WWOX: variants seen among roughly 807,000 people sequenced by gnomAD.
The protein encoded by WWOX is WW domain-containing oxidoreductase.
A neutral mutation model predicts 46.2 loss-of-function variants in WWOX; 69 were observed. That is an observed-to-expected ratio of 1.49 (90% CI 1.23 to 1.82). The LOEUF (loss-of-function observed/expected upper bound fraction) is 1.82, where lower values mean the gene tolerates loss of function less well. Ranked by LOEUF, WWOX falls within the 40% of genes most tolerant of loss-of-function variation. The pLI, the probability that WWOX is intolerant of heterozygous loss-of-function variation, is 0.00. For synonymous variants in WWOX, 359 were observed against 202.6 expected, an observed-to-expected ratio of 1.77 and a Z score of -6.56; for missense variants, 919 against 542.6, an observed-to-expected ratio of 1.69 and a Z score of -6.89.
intron 8 of WWOX, among the ~76,000 whole-genome samples, chr16:78,459,771 G>A (rs2083907421): frequency 6.6e-6 from 1 of 152,122 alleles, no homozygotes; most frequent in Non-Finnish European, 1.5e-5. Flanking sequence ...ACTTGATGCT[G>A]CAACTGAAAA....
intron 4 of WWOX, among the ~76,000 whole-genome samples, chr16:78,149,738 G>A (rs2034332397): frequency 6.6e-6 from 1 of 152,152 alleles, no homozygotes; most frequent in Admixed American, 6.5e-5. Context: ...GAGAATAGAT[G>A]GCAAATCCCA....
chr16:79,192,319 T>C (rs74646664), intron 8 of WWOX, among the ~76,000 whole-genome samples: 9 of 54,858 alleles, frequency 1.6e-4, no homozygotes, highest in East Asian at 4.7e-4. Context: ...ATTCATTCAT[T>C]CATTCATTCA....
Position 79,199,763 on chromosome 16 carries a change from G to A in WWOX, c.1057-11845G>A, listed in dbSNP as rs187293671. On this transcript the variant is annotated intron_variant, in intron 8 of 8. Coordinates refer to ENST00000566780, the MANE Select transcript of WWOX (RefSeq NM_016373.4). Reference sequence around the variant, plus strand: ...AGGACAGATTTTCAACCCCTTGACAGTTCGAAGGTCAGCTACACAACTGGC... The same window carrying A: ...AGGACAGATTTTCAACCCCTTGACAATTCGAAGGTCAGCTACACAACTGGC... Among the ~76,000 whole-genome samples the A allele has an allele frequency of 3.3e-5, 5 of 152,288 alleles. No individual in the cohort carries two copies. The East Asian group carries it at 9.7e-4, about 29-fold the overall frequency.
intron 8 of WWOX, among the ~76,000 whole-genome samples, chr16:78,609,889 T>C (rs79981509): frequency 4.6e-5 from 7 of 152,340 alleles, no homozygotes; most frequent in African/African-American, 1.7e-4. Context: ...CTTTAGTGAT[T>C]AATTACCAGG....
At chr16:79,062,496 G>A (rs959497020) in intron 8 of WWOX, among the ~76,000 whole-genome samples, 2 of 152,082 alleles carry the variant, frequency 1.3e-5, no homozygotes, top group African/African-American at 2.4e-5. Context: ...CAAACTATGC[G>A]ATTATCCCCT....
intron 8 of WWOX, among the ~76,000 whole-genome samples, chr16:78,967,976 A>G (rs2046393730): frequency 6.6e-6 from 1 of 152,148 alleles, no homozygotes; most frequent in African/African-American, 2.4e-5. Context: ...TTTAGCCCAT[A>G]CCCCACTATA....
chr16:78,988,208 G>A (rs2046818124), intron 8 of WWOX, among the ~76,000 whole-genome samples: 3 of 151,964 alleles, frequency 2.0e-5, no homozygotes, highest in South Asian at 4.2e-4. Flanking sequence ...GCTGGGCATG[G>A]TGACAGGCAT....
intron 8 of WWOX, among the ~76,000 whole-genome samples, chr16:78,480,408 A>G (rs1740517188): frequency 6.6e-6 from 1 of 152,334 alleles, no homozygotes; most frequent in South Asian, 2.1e-4. Flanking sequence ...AAACATCTCA[A>G]CACATTTATT....
chr16:78,212,735 A>G (rs1223878537), intron 5 of WWOX, among the ~76,000 whole-genome samples: 1 of 152,174 alleles, frequency 6.6e-6, no homozygotes, highest in Admixed American at 6.5e-5. Flanking sequence ...TTGATAACTC[A>G]TGAACAGTCT....
At chr16:78,652,874 T>TCC (rs989995890) in intron 8 of WWOX, among the ~76,000 whole-genome samples, 6 of 152,144 alleles carry the variant, frequency 3.9e-5, no homozygotes, top group African/African-American at 1.4e-4. Context: ...GTGATTTGAC[T>TCC]CCCCCTTGCC....
At chr16:78,479,293 C>T (rs955154869) in intron 8 of WWOX, among the ~76,000 whole-genome samples, 6 of 152,144 alleles carry the variant, frequency 3.9e-5, no homozygotes, top group East Asian at 1.9e-4. Context: ...ATCAGTCAAG[C>T]CTTCCAGGAT....
In WWOX at chr16:78,684,367, T is replaced by G. The variant is rs530343509; in HGVS notation, c.1056+251615T>G. ...AGAAGGACCTATGAACCATGAGGGTTTTCCTTAGCAGGGAGTGCCAGTGGG... is the reference window on the plus strand; with the variant it reads ...AGAAGGACCTATGAACCATGAGGGTGTTCCTTAGCAGGGAGTGCCAGTGGG... On this transcript the variant is annotated intron_variant, in intron 8 of 8. Transcript: ENST00000566780. Among the ~76,000 whole-genome samples, 86 of 152,318 alleles carry G rather than the reference T, an allele frequency of 5.6e-4. 3 individuals carry two copies. The South Asian group carries it at 0.017, about 30-fold the overall frequency.
At chr16:78,231,748 T>G (rs2037272352) in intron 5 of WWOX, among the ~76,000 whole-genome samples, 1 of 151,886 alleles carries the variant, frequency 6.6e-6, no homozygotes, top group Non-Finnish European at 1.5e-5. Context: ...ACTTAAGGAG[T>G]AGCTGATTCA....
chr16:78,738,264 C>G (rs184043238), intron 8 of WWOX, among the ~76,000 whole-genome samples: 3 of 152,194 alleles, frequency 2.0e-5, no homozygotes, highest in Non-Finnish European at 2.9e-5. Flanking sequence ...TTTCCCCTTT[C>G]TAATATTATA....
rs986799144 is a variant in WWOX at position 78,711,420 on chromosome 16, G to A, written c.1056+278668G>A. On this transcript the variant is annotated intron_variant, in intron 8 of 8. Transcript: ENST00000566780. ...TTTGGAGGGAACTTGAAGACTAGGT[G>A]GCTGCAGCCACTCAGAATCTTGTTG... Among the ~76,000 whole-genome samples, 54 of 152,274 alleles carry A rather than the reference G, an allele frequency of 3.5e-4. 1 individual carries two copies. The highest frequency in any genetic ancestry group is 1.3e-3 in the African/African-American group (54 of 41,542).
intron 8 of WWOX, among the ~76,000 whole-genome samples, chr16:79,165,440 T>C (rs144695028): frequency 9.2e-5 from 14 of 152,320 alleles, no homozygotes; most frequent in Non-Finnish European, 1.8e-4. Flanking sequence ...CGGTAGCATA[T>C]TGCTTCATAA....
intron 8 of WWOX, among the ~76,000 whole-genome samples, chr16:79,078,756 C>T (rs2048706100): frequency 6.6e-6 from 1 of 152,160 alleles, no homozygotes; most frequent in African/African-American, 2.4e-5. Flanking sequence ...ATTTCTGGTC[C>T]ATCTTTTAGA....
At chr16:78,618,815 A>C (rs1191150998) in intron 8 of WWOX, among the ~76,000 whole-genome samples, 2 of 151,754 alleles carry the variant, frequency 1.3e-5, no homozygotes, top group East Asian at 3.9e-4. Flanking sequence ...CTGTGGCCTG[A>C]ATTGGTCAGT....
At chr16:79,109,454 G>C (rs946186410) in intron 8 of WWOX, among the ~76,000 whole-genome samples, 1 of 152,134 alleles carries the variant, frequency 6.6e-6, no homozygotes, top group Non-Finnish European at 1.5e-5. Flanking sequence ...ATAGGGAAGA[G>C]AGAGCCGGGC....
Sources: gnomAD v4.1 joint callset for allele counts (sites outside exome capture counted in the v4.1 genomes callset) on GRCh38, gnomAD v4.1.1 for gene constraint, MANE v1.5 for transcripts, NCBI Gene and HGNC (gene_info 2026-07-23, HGNC 2026-07-21) for gene names.